The following CUX2 variants were observed in gnomAD, a reference collection of about 807,000 sequenced individuals.
CUX2 encodes the protein homeobox protein cut-like 2.
A neutral mutation model predicts 144.8 loss-of-function variants in CUX2; 40 were observed. The ratio of observed to expected loss-of-function variants is 0.28; its 90% confidence interval spans 0.21 to 0.36. CUX2 has a LOEUF of 0.36. Among genes scored for constraint, CUX2 ranks in the 10% least tolerant of loss-of-function variants. The probability of loss-of-function intolerance (pLI) is 1.00; values close to 1 mark genes in which losing one functional copy is unlikely to be tolerated. For synonymous variants in CUX2, 827 were observed against 875.6 expected (o/e 0.94, Z 0.98); for missense variants, 1,615 against 1,994.0 (o/e 0.81, Z 3.62).
chr12:111,140,438 C>T (rs1876234475), intron 1 of CUX2, among the ~76,000 whole-genome samples: 1 of 152,198 alleles, frequency 6.6e-6, no homozygotes, highest in Non-Finnish European at 1.5e-5. Context: ...AAATTGAGCA[C>T]CCCCTCTTGA....
intron 19 of CUX2, among the ~76,000 whole-genome samples, chr12:111,335,486 G>A (rs979280917): frequency 4.6e-5 from 7 of 152,080 alleles, no homozygotes; most frequent in African/African-American, 1.2e-4. Context: ...CAAGGCAGGC[G>A]AATCACCTCA....
At chr12:111,230,744 C>T (rs1319375308) in intron 3 of CUX2, among the ~76,000 whole-genome samples, 1 of 152,174 alleles carries the variant, frequency 6.6e-6, no homozygotes, top group Non-Finnish European at 1.5e-5. Flanking sequence ...GTGGAAATAA[C>T]CAGGGCTGTG....
intron 19 of CUX2, among the ~76,000 whole-genome samples, 177 bp from the exon 20 acceptor site, chr12:111,338,109 C>A (rs1032462132): frequency 1.3e-5 from 2 of 152,092 alleles, no homozygotes; most frequent in Non-Finnish European, 2.9e-5. Context: ...TACAGACAGA[C>A]CCCCCTCGGC....
At position 111,059,344 on chromosome 12, in the gene CUX2, G is replaced by T. The variant is rs1372217479; in HGVS notation, c.63+25104G>T. Among the ~76,000 whole-genome samples the T allele has an allele frequency of 2.6e-5, 4 of 152,218 alleles. No homozygotes were observed. Among genetic ancestry groups the T allele is most frequent in the Non-Finnish European group, 4.4e-5 (3 of 68,036 alleles). ...GCAGACTCCACACGGAGCAAACTGG[G>T]TAGAAATAACCATATCGCCCAAATG... On this transcript the variant is annotated intron_variant, in intron 1 of 21. Coordinates refer to ENST00000261726, the MANE Select transcript of CUX2 (RefSeq NM_015267.4). The surrounding 1 kb of genome is among the most constrained non-coding windows in gnomAD (Gnocchi z 5.3).
At chr12:111,126,110 CTTT>C (rs869221391) in intron 1 of CUX2, among the ~76,000 whole-genome samples, 3 of 131,638 alleles carry the variant, frequency 2.3e-5, no homozygotes, top group Admixed American at 7.7e-5. Flanking sequence ...GTCCCGAGGT[CTTT>C]TTTTTTTTTT....
chr12:111,324,645 C>T (rs912236737), intron 18 of CUX2, among the ~76,000 whole-genome samples: 2 of 151,938 alleles, frequency 1.3e-5, no homozygotes, highest in South Asian at 4.2e-4. Flanking sequence ...GGGTTACAGG[C>T]GTGCGCCACC....
chr12:111,279,047 G>C (rs1337000446), intron 4 of CUX2, among the ~76,000 whole-genome samples: 2 of 152,216 alleles, frequency 1.3e-5, no homozygotes, highest in Non-Finnish European at 2.9e-5. Flanking sequence ...AGCACTGTGC[G>C]CTGGGGGAGG....
At chr12:111,056,130 C>A (rs911520640) in intron 1 of CUX2, among the ~76,000 whole-genome samples, 4 of 152,210 alleles carry the variant, frequency 2.6e-5, no homozygotes, top group African/African-American at 9.7e-5. Context: ...TGGACAGATC[C>A]ATGGATGCGT....
At chr12:111,334,731 G>A (rs760782055) in intron 19 of CUX2, 21 bp downstream of exon 19, 24 of 1,567,720 alleles carry the variant, frequency 1.5e-5, no homozygotes, top group Admixed American at 1.8e-5. Flanking sequence ...GGTGGGAATC[G>A]GAGAGGCTGC....
chr12:111,219,763 C>T (rs1881742212), intron 3 of CUX2, among the ~76,000 whole-genome samples: 1 of 152,156 alleles, frequency 6.6e-6, no homozygotes, highest in Admixed American at 6.5e-5. Context: ...GGAATCCCAC[C>T]TCTCCCACTT....
intron 9 of CUX2, 89 bp downstream of exon 9, chr12:111,298,678 A>T (rs2136346480): frequency 7.9e-7 from 1 of 1,268,858 alleles, no homozygotes; most frequent in South Asian, 1.3e-5. Flanking sequence ...GAAGGGACTG[A>T]GCTTCATCAA....
rs987448791 is a variant in CUX2, at chr12:111,312,741, C to T, written c.2002+540C>T. ...ATATCCCAAGACTCGACAAGGCCTA[C>T]AGGCCCTACAGTCTTCAGGCCCCTC... On this transcript the variant is annotated intron_variant, in intron 16 of 21. Coordinates refer to ENST00000261726, the MANE Select transcript of CUX2 (RefSeq NM_015267.4). The surrounding 1 kb of genome is among the most constrained non-coding windows in gnomAD (Gnocchi z 4.3). Among the ~76,000 whole-genome samples, 18 of 152,060 alleles carry T rather than the reference C, an allele frequency of 1.2e-4. No individual in the cohort carries two copies. The highest frequency in any genetic ancestry group is 1.2e-3 in the Admixed American group (18 of 15,258).
At position 111,190,045 on chromosome 12, in the gene CUX2, G is replaced by T. The variant is rs1292572017; in HGVS notation, c.64-24155G>T. On this transcript the variant is annotated intron_variant, in intron 1 of 21. Coordinates refer to ENST00000261726, the MANE Select transcript of CUX2 (RefSeq NM_015267.4). This position sits in a 1 kb window ranked among gnomAD's most constrained non-coding sequence, Gnocchi z 4.0. ...GGTGGGTATGTAGCACTATCTCCTT[G>T]TGGCTTAAATTTTCATTTCCTTGGT... is the stretch of plus-strand genomic sequence containing the variant. Among the ~76,000 whole-genome samples, 1 of 152,148 alleles carries T rather than the reference G, an allele frequency of 6.6e-6. No homozygotes were observed. Among genetic ancestry groups the T allele is most frequent in the African/African-American group, 2.4e-5 (1 of 41,480 alleles).
intron 1 of CUX2, among the ~76,000 whole-genome samples, chr12:111,152,652 C>A (rs780019358): frequency 2.0e-5 from 3 of 152,208 alleles, no homozygotes; most frequent in Non-Finnish European, 4.4e-5. Flanking sequence ...TGTTATTGGG[C>A]CTGATTCTGC....
At chr12:111,242,543 G>T (rs1377997422) in intron 3 of CUX2, among the ~76,000 whole-genome samples, 4 of 152,200 alleles carry the variant, frequency 2.6e-5, no homozygotes, top group African/African-American at 7.2e-5. Flanking sequence ...GCCAGACATG[G>T]TGGCTCACGC....
Position 111,293,860 on chromosome 12 carries a change from T to C in CUX2, c.560+291T>C, listed in dbSNP as rs1885823205. ...ATTCCTCAGCATTCTCTAGAGAAACTGAACTGGTAGGATTTTTTAAATGAT... is the reference window on the plus strand; with the variant it reads ...ATTCCTCAGCATTCTCTAGAGAAACCGAACTGGTAGGATTTTTTAAATGAT... On this transcript the variant is annotated intron_variant, in intron 6 of 21. Transcript: ENST00000261726. This position sits in a 1 kb window ranked among gnomAD's most constrained non-coding sequence, Gnocchi z 4.5. Among the ~76,000 whole-genome samples, 1 of 152,238 alleles carries C rather than the reference T, an allele frequency of 6.6e-6. No homozygotes were observed. The highest frequency in any genetic ancestry group is 2.1e-4 in the South Asian group (1 of 4,832).
intron 3 of CUX2, among the ~76,000 whole-genome samples, chr12:111,254,188 CT>C (rs1883700468): frequency 6.6e-6 from 1 of 152,186 alleles, no homozygotes; most frequent in African/African-American, 2.4e-5. Flanking sequence ...GGTAGGGATG[CT>C]CAGAATCCAG....
chr12:111,124,003 C>T (rs1566237359), intron 1 of CUX2, among the ~76,000 whole-genome samples: 4 of 152,184 alleles, frequency 2.6e-5, no homozygotes, highest in Admixed American at 6.5e-5. Flanking sequence ...GTGAAAGTCA[C>T]ATAACATAAA....
chr12:111,301,114 A>G (rs1565902118), intron 9 of CUX2, among the ~76,000 whole-genome samples: 1 of 152,198 alleles, frequency 6.6e-6, no homozygotes, highest in South Asian at 2.1e-4. Flanking sequence ...CCTGAGTCCA[A>G]AACTAAAACC....
Sources: gnomAD v4.1 joint callset for allele counts (sites outside exome capture counted in the v4.1 genomes callset) on GRCh38, gnomAD v4.1.1 for gene constraint, Gnocchi (gnomAD v3.1) non-coding constraint, MANE v1.5 for transcripts, NCBI Gene and HGNC (gene_info 2026-07-23, HGNC 2026-07-21) for gene names.